Variants in SEMA6D observed in about 807,000 individuals in gnomAD.
SEMA6D encodes semaphorin-6D.
SEMA6D carries 35 observed loss-of-function variants against 106.6 expected under a neutral mutation model. The ratio of observed to expected loss-of-function variants is 0.33; its 90% CI spans 0.25 to 0.44. SEMA6D has a LOEUF of 0.44. Among genes scored for constraint, SEMA6D ranks in the 20% least tolerant of loss-of-function variants. The pLI, the probability that SEMA6D is intolerant of heterozygous loss-of-function variation, is 1.00. For synonymous variants in SEMA6D, 499 were observed against 487.7 expected, an observed-to-expected ratio of 1.02 and a Z score of -0.31; for missense variants, 1,185 against 1,345.9, an observed-to-expected ratio of 0.88 and a Z score of 1.87.
intron 1 of SEMA6D, among the ~76,000 whole-genome samples, chr15:47,322,577 A>G (rs2036966857): frequency 6.6e-6 from 1 of 152,190 alleles, no homozygotes; most frequent in South Asian, 2.1e-4. Flanking sequence ...CATGATGGCT[A>G]TACATATGTA....
chr15:47,196,903 G>T (rs1405325719), intron 1 of SEMA6D, among the ~76,000 whole-genome samples: 3 of 152,164 alleles, frequency 2.0e-5, no homozygotes, highest in Non-Finnish European at 4.4e-5. Flanking sequence ...TTGGGTTTGT[G>T]TGGCTGCTTC....
chr15:47,704,711 C>A (rs1217517299), intron 4 of SEMA6D, among the ~76,000 whole-genome samples: 1 of 146,300 alleles, frequency 6.8e-6, no homozygotes, highest in Non-Finnish European at 1.5e-5. Flanking sequence ...AGAGCCAGAC[C>A]CTGTCTCAAA....
chr15:47,710,278 T>C (rs755636840), intron 4 of SEMA6D, among the ~76,000 whole-genome samples: 6 of 152,218 alleles, frequency 3.9e-5, no homozygotes, highest in Non-Finnish European at 7.3e-5. Flanking sequence ...AATATGACAG[T>C]TACTGAGGTT....
chr15:47,567,483 A>G (rs1248976058), intron 3 of SEMA6D, among the ~76,000 whole-genome samples: 55 of 152,300 alleles, frequency 3.6e-4, no homozygotes, highest in Non-Finnish European at 2.4e-4. Flanking sequence ...CTTCCTCATT[A>G]TCTTTGCTCT....
intron 3 of SEMA6D, among the ~76,000 whole-genome samples, chr15:47,498,681 G>C (rs118080388): frequency 6.6e-6 from 1 of 152,210 alleles, no homozygotes; most frequent in African/African-American, 2.4e-5. Context: ...CAAAATATAT[G>C]TTATAAATTT....
At chr15:47,438,124 A>C (rs762878628) in intron 2 of SEMA6D, among the ~76,000 whole-genome samples, 1 of 152,038 alleles carries the variant, frequency 6.6e-6, no homozygotes, top group Non-Finnish European at 1.5e-5. Context: ...AACTGCTCAC[A>C]CCCAAACTTC....
chr15:47,659,444 A>G (rs2077872144), intron 4 of SEMA6D, among the ~76,000 whole-genome samples: 1 of 152,060 alleles, frequency 6.6e-6, no homozygotes, highest in African/African-American at 2.4e-5. Context: ...CTGTGACTAA[A>G]TACAGATAGA....
intron 3 of SEMA6D, among the ~76,000 whole-genome samples, chr15:47,579,004 A>T (rs1463579784): frequency 6.6e-6 from 1 of 152,172 alleles, no homozygotes; most frequent in Non-Finnish European, 1.5e-5. Flanking sequence ...TGTTTTGAGG[A>T]AACTACTGGT....
chr15:47,355,196 G>A (rs1374881908), intron 1 of SEMA6D, among the ~76,000 whole-genome samples: 1 of 152,030 alleles, frequency 6.6e-6, no homozygotes, highest in Admixed American at 6.6e-5. Context: ...AAGGAAAGGG[G>A]TAATGAATGA....
intron 4 of SEMA6D, among the ~76,000 whole-genome samples, chr15:47,674,419 T>G (rs947388291): frequency 7.9e-5 from 12 of 152,232 alleles, no homozygotes; most frequent in Non-Finnish European, 1.6e-4. Context: ...TCAACCTGAC[T>G]AAAGCATGGT....
At chr15:47,225,529 T>G (rs2031584539) in intron 1 of SEMA6D, among the ~76,000 whole-genome samples, 1 of 43,338 alleles carries the variant, frequency 2.3e-5, no homozygotes, top group Non-Finnish European at 8.3e-5. Flanking sequence ...GTTTTTTTTT[T>G]TTTTTTTTTT....
intron 3 of SEMA6D, among the ~76,000 whole-genome samples, chr15:47,760,675 AC>A (rs763479117): frequency 2.7e-5 from 4 of 149,700 alleles, no homozygotes; most frequent in Admixed American, 2.0e-4. Context: ...AAAAAAAAAA[AC>A]CTTTCTTTAT....
intron 1 of SEMA6D, among the ~76,000 whole-genome samples, chr15:47,398,089 T>A (rs933015717): frequency 6.6e-6 from 1 of 152,220 alleles, no homozygotes; most frequent in African/African-American, 2.4e-5. Context: ...TTAAGAAAGA[T>A]CATTTAATCC....
chr15:47,335,050 G>A (rs527897637), intron 1 of SEMA6D, among the ~76,000 whole-genome samples: 12 of 152,220 alleles, frequency 7.9e-5, no homozygotes, highest in South Asian at 6.2e-4. Context: ...CCACAAAGGC[G>A]AAAATTATGT....
chr15:47,226,810 C>A (rs1262193704), intron 1 of SEMA6D, among the ~76,000 whole-genome samples: 1 of 152,112 alleles, frequency 6.6e-6, no homozygotes, highest in Non-Finnish European at 1.5e-5. Context: ...TGTAGTCTCC[C>A]TGTCTCTGCA....
intron 11 of SEMA6D, 132 bp downstream of exon 11, chr15:47,764,437 G>T: frequency 1.6e-6 from 2 of 1,289,984 alleles, no homozygotes; most frequent in Non-Finnish European, 1.1e-6. Flanking sequence ...AGAGCCAGCA[G>T]ACATAGCCTT....
At chr15:47,712,902 GTGAC>G (rs1567008369), upstream of SEMA6D, among the ~76,000 whole-genome samples, 1 of 152,044 alleles carries the variant, frequency 6.6e-6, no homozygotes, top group Admixed American at 6.5e-5. Flanking sequence ...GCACAATTTA[GTGAC>G]TGACTGAGTT....
In SEMA6D at chr15:47,760,536, A is replaced by C. The variant is rs1489839071; in HGVS notation, c.221+121A>C. 4.2e-6 allele frequency: 3 copies of C among 715,556 alleles called. No individual in the cohort carries two copies. The Admixed American group carries it at 7.9e-5, about 19-fold the overall frequency. The allele number at this position is 715,556 out of a possible 1,614,324, so 44.3% of individuals were successfully genotyped here. A position where few individuals can be genotyped will look rare whatever the true frequency, so the allele number is the denominator to read the frequency against. On this transcript the variant is annotated intron_variant, in intron 3 of 18. Transcript: ENST00000536845. ...GTGATCAAAAATTGCAAGTAGCCAG[A>C]AATATTCACTGAGAAGAGTCAGTGT...
intron 2 of SEMA6D, among the ~76,000 whole-genome samples, chr15:47,413,020 T>G (rs2040848213): frequency 6.6e-6 from 1 of 152,136 alleles, no homozygotes. Context: ...CTGTATGCCA[T>G]TACTTAAAAA....
Sources: gnomAD v4.1 joint callset for allele counts (sites outside exome capture counted in the v4.1 genomes callset) on GRCh38, gnomAD v4.1.1 for gene constraint, MANE v1.5 for transcripts, NCBI Gene and HGNC (gene_info 2026-07-23, HGNC 2026-07-21) for gene names.